Variants in MAD2L1 observed in about 807,000 individuals in gnomAD.
MAD2L1 encodes the protein mitotic spindle assembly checkpoint protein MAD2A.
MAD2L1 carries 10 observed loss-of-function variants against 25.9 expected under a neutral mutation model. That is an observed-to-expected ratio of 0.39 (90% confidence interval 0.24 to 0.66). MAD2L1 has a LOEUF of 0.66. Among genes scored for constraint, MAD2L1 ranks in the 30% least tolerant of loss-of-function variants. The probability of loss-of-function intolerance (pLI) is 0.49; values close to 1 mark genes in which losing one functional copy is unlikely to be tolerated. For missense variants in MAD2L1, 180 were observed against 246.4 expected, an observed-to-expected ratio of 0.73 and a Z score of 1.80; for synonymous variants, 81 against 91.8, an observed-to-expected ratio of 0.88 and a Z score of 0.67.
chr4:120,064,145 A>G (rs1726273764), intron 2 of MAD2L1, among the ~76,000 whole-genome samples: 2 of 152,356 alleles, frequency 1.3e-5, no homozygotes, highest in South Asian at 4.1e-4. Context: ...CCATTGGCTT[A>G]GGCAATGCTT....
rs147535567 is a variant in MAD2L1, at chr4:120,056,031, G to T, written c.*4087C>A. The T allele has an allele frequency of 1.3e-5, 2 of 152,318 alleles. No homozygotes were observed. The highest frequency in any genetic ancestry group is 4.8e-5 in the African/African-American group (2 of 41,572). 9.4% of individuals were successfully genotyped at this position (152,318 alleles called of 1,614,324 possible). A position where few individuals can be genotyped will look rare whatever the true frequency, so the allele number is the denominator to read the frequency against. Reference sequence around the variant, plus strand: ...CTTTATTGCTAAAAGGATGTAAAGGGTAAGAGGAAAAAGGTGACGAAACAC... The same window carrying T: ...CTTTATTGCTAAAAGGATGTAAAGGTTAAGAGGAAAAAGGTGACGAAACAC... On this transcript the variant is annotated 3_prime_UTR_variant, in exon 5 of 5. Coordinates refer to ENST00000296509, the MANE Select transcript of MAD2L1 (RefSeq NM_002358.4).
intron 1 of MAD2L1, among the ~76,000 whole-genome samples, chr4:120,066,140 T>C (rs1179087987): frequency 6.6e-6 from 1 of 152,242 alleles, no homozygotes; most frequent in South Asian, 2.1e-4. Flanking sequence ...AAATAGGCTG[T>C]TGCATTCGAG....
chr4:120,061,125 G>C, intron 3 of MAD2L1, 148 bp from the exon 4 acceptor site: 1 of 555,632 alleles, frequency 1.8e-6, no homozygotes, highest in Non-Finnish European at 3.3e-6. Context: ...AAAAATGTGA[G>C]TGAAAGTATC....
At position 120,059,283 on chromosome 4, in the gene MAD2L1, T is replaced by C. The variant is rs2110507587; in HGVS notation, c.*835A>G. On this transcript the variant is annotated 3_prime_UTR_variant, in exon 5 of 5. Transcript: ENST00000296509. ...CAGGATGTGATCAAAGTTTATCCAT[T>C]AGATTGAAGACACCTCAAGACTCAC... 6.6e-6 allele frequency: 1 copy of C among 152,288 alleles called. No individual in the cohort carries two copies. Among genetic ancestry groups the C allele is most frequent in the East Asian group, 1.9e-4 (1 of 5,182 alleles). 9.4% of individuals were successfully genotyped at this position (152,288 alleles called of 1,614,324 possible).
At chr4:120,062,125 C>G in intron 2 of MAD2L1, 30 bp from the exon 3 acceptor site, 1 of 1,596,016 alleles carries the variant, frequency 6.3e-7, no homozygotes, top group Non-Finnish European at 8.5e-7. Context: ...AGGCATCTTT[C>G]TTGGTCCACT....
In MAD2L1 at chr4:120,059,896, C is replaced by A; in HGVS notation, c.*222G>T. ...TGTTGACAAAAAAACCTCCTGGTTC[C>A]TTTTGAACAATGTGCAATAAATTCA... is the stretch of plus-strand genomic sequence containing the variant. On this transcript the variant is annotated 3_prime_UTR_variant, in exon 5 of 5. Coordinates refer to ENST00000296509, the MANE Select transcript of MAD2L1 (RefSeq NM_002358.4). 2.6e-6 allele frequency: 1 copy of A among 388,302 alleles called. No homozygotes were observed. The highest frequency in any genetic ancestry group is 4.6e-6 in the Non-Finnish European group (1 of 216,678). The allele number at this position is 388,302 out of a possible 1,614,324, so 24.1% of individuals were successfully genotyped here.
chr4:120,065,063 C>T (rs1488998505), intron 2 of MAD2L1, among the ~76,000 whole-genome samples: 3 of 152,068 alleles, frequency 2.0e-5, no homozygotes, highest in African/African-American at 7.2e-5. Context: ...ACAGGTAATA[C>T]ATCAATGTCT....
At chr4:120,064,965 G>C (rs912009865) in intron 2 of MAD2L1, among the ~76,000 whole-genome samples, 2 of 151,980 alleles carry the variant, frequency 1.3e-5, no homozygotes, top group Admixed American at 6.6e-5. Context: ...TTAGAAATGA[G>C]AATCCTAAGT....
rs1488382315 is a variant in MAD2L1 at position 120,056,012 on chromosome 4, T to C, written c.*4106A>G. 1.3e-5 allele frequency: 2 copies of C among 152,194 alleles called. No individual in the cohort carries two copies. Among genetic ancestry groups the C allele is most frequent in the Non-Finnish European group, 2.9e-5 (2 of 68,030 alleles). 9.4% of individuals were successfully genotyped at this position (152,194 alleles called of 1,614,324 possible). On this transcript the variant is annotated 3_prime_UTR_variant, in exon 5 of 5. Coordinates refer to ENST00000296509, the MANE Select transcript of MAD2L1 (RefSeq NM_002358.4). ...AACCAGTTTGTTCTGAACACTTTAT[T>C]GCTAAAAGGATGTAAAGGGTAAGAG...
intron 1 of MAD2L1, among the ~76,000 whole-genome samples, chr4:120,066,342 T>TAA (rs200996570): frequency 2.1e-5 from 3 of 143,710 alleles, no homozygotes; most frequent in African/African-American, 5.1e-5. Flanking sequence ...CTCTCGCAGT[T>TAA]AAAAAAAAAA....
Position 120,055,657 on chromosome 4 carries a change from C to CT in MAD2L1, c.*4460_*4461insA. ...ATAAACTTTTATCAGTCACATTGAA[C>CT]AAAATAACTAGAAATATTTCATACA... On this transcript the variant is annotated 3_prime_UTR_variant, in exon 5 of 5. Transcript: ENST00000296509. 6.6e-6 allele frequency: 1 copy of CT among 151,720 alleles called. No individual in the cohort carries two copies. The highest frequency in any genetic ancestry group is 1.5e-5 in the Non-Finnish European group (1 of 67,894). 9.4% of individuals were successfully genotyped at this position (151,720 alleles called of 1,614,324 possible). A position where few individuals can be genotyped will look rare whatever the true frequency, so the allele number is the denominator to read the frequency against.
intron 4 of MAD2L1, 83 bp downstream of exon 4, chr4:120,060,791 A>C: frequency 4.9e-6 from 4 of 810,294 alleles, no homozygotes; most frequent in Non-Finnish European, 7.9e-6. Context: ...AATAAGACAA[A>C]ATTTAATAAA....
At chr4:120,066,080 C>T (rs368961406) in intron 1 of MAD2L1, among the ~76,000 whole-genome samples, 13 of 151,834 alleles carry the variant, frequency 8.6e-5, no homozygotes, top group African/African-American at 3.1e-4. Context: ...CCAAATTTCA[C>T]CTCATTGTAA....
intron 3 of MAD2L1, 148 bp from the exon 4 acceptor site, chr4:120,061,125 G>T: frequency 1.8e-6 from 1 of 555,632 alleles, no homozygotes; most frequent in Non-Finnish European, 3.3e-6. Context: ...AAAAATGTGA[G>T]TGAAAGTATC....
rs894750066 is a variant in MAD2L1, at chr4:120,056,802, TAAC to T, written c.*3313_*3315del. On this transcript the variant is annotated 3_prime_UTR_variant, in exon 5 of 5. Coordinates refer to ENST00000296509, the MANE Select transcript of MAD2L1 (RefSeq NM_002358.4). ...GCATCACATGCCAAAGAACCTCCCTTAACAAGTTTTCAGATCAAATTGTGAACT... is the reference window on the plus strand; with the variant it reads ...GCATCACATGCCAAAGAACCTCCCTTAAGTTTTCAGATCAAATTGTGAACT... 1 of 152,154 alleles carries T rather than the reference TAAC, an allele frequency of 6.6e-6. No individual in the cohort carries two copies. Among genetic ancestry groups the T allele is most frequent in the African/African-American group, 2.4e-5 (1 of 41,438 alleles). The allele number at this position is 152,154 out of a possible 1,614,324, so 9.4% of individuals were successfully genotyped here. A position where few individuals can be genotyped will look rare whatever the true frequency, so the allele number is the denominator to read the frequency against.
At position 120,066,801 on chromosome 4, in the gene MAD2L1, C is replaced by G. The variant is rs1220632321; in HGVS notation, c.-67G>C. 1 of 1,165,430 alleles carries G rather than the reference C, an allele frequency of 8.6e-7. No homozygotes were observed. Among genetic ancestry groups the G allele is most frequent in the African/African-American group, 1.5e-5 (1 of 65,844 alleles). 72.2% of individuals were successfully genotyped at this position (1,165,430 alleles called of 1,614,324 possible). A position where few individuals can be genotyped will look rare whatever the true frequency, so the allele number is the denominator to read the frequency against. On this transcript the variant is annotated 5_prime_UTR_variant, in exon 1 of 5. Coordinates refer to ENST00000296509, the MANE Select transcript of MAD2L1 (RefSeq NM_002358.4). ...ACAGCAACCACAGCGGCTCCAACAG[C>G]ACTTCCCCGCCAAGCGTTTCAAAAG...
In MAD2L1 at chr4:120,059,028, A is replaced by G. The variant is rs1044318839; in HGVS notation, c.*1090T>C. 1 of 152,220 alleles carries G rather than the reference A, an allele frequency of 6.6e-6. No individual in the cohort carries two copies. The highest frequency in any genetic ancestry group is 2.4e-5 in the African/African-American group (1 of 41,458). 9.4% of individuals were successfully genotyped at this position (152,220 alleles called of 1,614,324 possible). On this transcript the variant is annotated 3_prime_UTR_variant, in exon 5 of 5. Coordinates refer to ENST00000296509, the MANE Select transcript of MAD2L1 (RefSeq NM_002358.4). Reference sequence around the variant, plus strand: ...TGCCTTAAACTGACCTTGGAAAAACAGGTGAGAACTGGATAGAAAGCATGT... The same window carrying G: ...TGCCTTAAACTGACCTTGGAAAAACGGGTGAGAACTGGATAGAAAGCATGT...
At chr4:120,060,360 CTATTT>C (rs1388768968) in intron 4 of MAD2L1, 70 bp from the exon 5 acceptor site, 5 of 1,263,690 alleles carry the variant, frequency 4.0e-6, no homozygotes, top group Non-Finnish European at 5.4e-6. Context: ...TGCCTCTCTT[CTATTT>C]TGAACCACTC....
Position 120,066,830 on chromosome 4 carries a change from C to T in MAD2L1, c.-96G>A. 1 of 878,156 alleles carries T rather than the reference C, an allele frequency of 1.1e-6. No homozygotes were observed. Among genetic ancestry groups the T allele is most frequent in the East Asian group, 2.7e-5 (1 of 36,682 alleles). The allele number at this position is 878,156 out of a possible 1,614,324, so 54.4% of individuals were successfully genotyped here. A position where few individuals can be genotyped will look rare whatever the true frequency, so the allele number is the denominator to read the frequency against. ...TCCCCGCCAAGCGTTTCAAAAGTAA[C>T]GACGCAGCACGTCGTCAGGTCCTTT... On this transcript the variant is annotated 5_prime_UTR_variant, in exon 1 of 5. Coordinates refer to ENST00000296509, the MANE Select transcript of MAD2L1 (RefSeq NM_002358.4).
Sources: allele counts gnomAD v4.1 joint callset (sites outside exome capture counted in the v4.1 genomes callset), GRCh38; gene constraint gnomAD v4.1.1; transcripts MANE v1.5; gene names NCBI Gene and HGNC (gene_info 2026-07-23, HGNC 2026-07-21).